The following CLMN variants were observed in gnomAD, a reference collection of about 807,000 sequenced individuals.
CLMN encodes calmin, also known as calmin (calponin-like, transmembrane).
A neutral mutation model predicts 92.7 loss-of-function variants in CLMN; 57 were observed. That is an observed-to-expected ratio of 0.61 (90% CI 0.50 to 0.77). The LOEUF is 0.77. Ranked by LOEUF, CLMN falls within the 30% of genes least tolerant of loss-of-function variation. The pLI is 0.00. For missense variants in CLMN, 1,158 were observed against 1,237.5 expected (o/e 0.94, Z 0.96); for synonymous variants, 466 against 470.6 (o/e 0.99, Z 0.13).
At chr14:95,223,627 C>T (rs879601218) in intron 3 of CLMN, 133 bp downstream of exon 3, 1 of 615,442 alleles carries the variant, frequency 1.6e-6, no homozygotes, top group Non-Finnish European at 2.8e-6. Flanking sequence ...GGCTTGTAGG[C>T]ACTAATAAAA....
At chr14:95,239,234 A>G (rs1898163568) in intron 1 of CLMN, among the ~76,000 whole-genome samples, 1 of 152,218 alleles carries the variant, frequency 6.6e-6, no homozygotes, top group Non-Finnish European at 1.5e-5. Context: ...ACACCCAGTT[A>G]GCAGACATTG....
intron 1 of CLMN, among the ~76,000 whole-genome samples, chr14:95,249,825 C>G (rs1385697882): frequency 6.6e-6 from 1 of 152,138 alleles, no homozygotes; most frequent in Non-Finnish European, 1.5e-5. Context: ...GATCTCCTGA[C>G]TTCATGATCT....
At chr14:95,258,890 G>A (rs1303280875) in intron 1 of CLMN, among the ~76,000 whole-genome samples, 1 of 151,426 alleles carries the variant, frequency 6.6e-6, no homozygotes, top group East Asian at 1.9e-4. Flanking sequence ...TGGTGTGTGT[G>A]TGGAGGGTGT....
At chr14:95,249,649 TG>T (rs1194733240) in intron 1 of CLMN, among the ~76,000 whole-genome samples, 1 of 152,060 alleles carries the variant, frequency 6.6e-6, no homozygotes, top group Non-Finnish European at 1.5e-5. Flanking sequence ...TGGAGTGCAG[TG>T]GTGCGATCTC....
At chr14:95,226,690 C>A (rs573319313) in intron 2 of CLMN, among the ~76,000 whole-genome samples, 1 of 152,106 alleles carries the variant, frequency 6.6e-6, no homozygotes, top group Non-Finnish European at 1.5e-5. Flanking sequence ...ATCCTCCCAT[C>A]CCAGCCTCTT....
chr14:95,231,261 A>G (rs1387198768), intron 1 of CLMN, among the ~76,000 whole-genome samples: 1 of 150,746 alleles, frequency 6.6e-6, no homozygotes, highest in African/African-American at 2.5e-5. Flanking sequence ...CAGTGACGCA[A>G]TCTCGGCTCA....
At chr14:95,211,886 C>T (rs1284747011) in intron 6 of CLMN, among the ~76,000 whole-genome samples, 4 of 152,156 alleles carry the variant, frequency 2.6e-5, no homozygotes, top group African/African-American at 4.8e-5. Context: ...ACAGGTGTTA[C>T]TTTTCATGGC....
At chr14:95,263,533 G>A (rs774559298) in intron 1 of CLMN, among the ~76,000 whole-genome samples, 20 of 152,172 alleles carry the variant, frequency 1.3e-4, no homozygotes, top group African/African-American at 4.3e-4. Context: ...AAAGGGTTCC[G>A]GTGTGACCCA....
intron 1 of CLMN, among the ~76,000 whole-genome samples, chr14:95,297,035 G>A (rs1043109479): frequency 3.3e-5 from 5 of 152,118 alleles, no homozygotes; most frequent in Admixed American, 6.6e-5. Context: ...TTCTGGGCTC[G>A]GTGCTTGCCA....
At chr14:95,303,126 G>A (rs1460209548) in intron 1 of CLMN, among the ~76,000 whole-genome samples, 1 of 152,178 alleles carries the variant, frequency 6.6e-6, no homozygotes, top group African/African-American at 2.4e-5. Context: ...TTTTAATCCT[G>A]CCATGAAGAA....
chr14:95,279,559 G>A (rs991978911), intron 1 of CLMN, among the ~76,000 whole-genome samples: 8 of 152,320 alleles, frequency 5.3e-5, no homozygotes, highest in Admixed American at 2.6e-4. Flanking sequence ...CCAGGTGGGC[G>A]GATCATGAGG....
At chr14:95,265,292 C>G (rs1386821340) in intron 1 of CLMN, among the ~76,000 whole-genome samples, 2 of 152,146 alleles carry the variant, frequency 1.3e-5, no homozygotes, top group East Asian at 3.9e-4. Context: ...GGCCCTCCAT[C>G]AAATGTGGGT....
intron 8 of CLMN, among the ~76,000 whole-genome samples, chr14:95,207,401 T>C (rs1419493063): frequency 1.3e-5 from 2 of 152,232 alleles, no homozygotes; most frequent in African/African-American, 4.8e-5. Context: ...ATTATAAATG[T>C]GAGCCACTGG....
In CLMN at chr14:95,204,227, G is replaced by A. The variant is rs766427449; in HGVS notation, c.1122C>T (p.Asp374=). Residue 374 remains aspartate (D), a synonymous_variant, in exon 9 of 13, where the codon GAC becomes GAT. Coordinates refer to ENST00000298912, the MANE Select transcript of CLMN (RefSeq NM_024734.4). ...LDGVSSHALS[D]SSTEFMHQII... is the part of the protein sequence containing the mutation. ...TCTGGTGCATGAACTCGGTGGAGCT[G>A]TCTGACAGCGCATGGCTGGAAACAC... The A allele has an allele frequency of 1.9e-6, 3 of 1,614,106 alleles. No homozygotes were observed. The highest frequency in any genetic ancestry group is 1.3e-5 in the African/African-American group (1 of 74,998).
chr14:95,238,201 G>A (rs1411532702), intron 1 of CLMN, among the ~76,000 whole-genome samples: 1 of 152,186 alleles, frequency 6.6e-6, no homozygotes, highest in Non-Finnish European at 1.5e-5. Flanking sequence ...CCGCTTGGTG[G>A]TTTCGCTCCT....
At chr14:95,209,255 G>A (rs1042691985) in intron 8 of CLMN, 140 bp downstream of exon 8, 32 of 729,532 alleles carry the variant, frequency 4.4e-5, no homozygotes, top group East Asian at 4.1e-4. Flanking sequence ...TGGTAAGGCC[G>A]TGCTCAAGGG....
At position 95,184,994 on chromosome 14, in the gene CLMN, T is replaced by C. The variant is rs1020413524; in HGVS notation, c.*6570A>G. 16 of 152,440 alleles carry C rather than the reference T, an allele frequency of 1.0e-4. No individual in the cohort carries two copies. The highest frequency in any genetic ancestry group is 3.6e-4 in the African/African-American group (15 of 41,538). 9.4% of individuals were successfully genotyped at this position (152,440 alleles called of 1,614,324 possible). A position where few individuals can be genotyped will look rare whatever the true frequency, so the allele number is the denominator to read the frequency against. On this transcript the variant is annotated 3_prime_UTR_variant, in exon 13 of 13. Coordinates refer to ENST00000298912, the MANE Select transcript of CLMN (RefSeq NM_024734.4). ...GGTGGCATGCACCTGTACTACCAGC[T>C]ACTTGGGAGGCTGAGGCAGGAGGAT...
At chr14:95,231,771 A>G (rs1897897196) in intron 1 of CLMN, among the ~76,000 whole-genome samples, 1 of 152,206 alleles carries the variant, frequency 6.6e-6, no homozygotes, top group South Asian at 2.1e-4. Context: ...GGAAGGCTTG[A>G]GTTTGGATTC....
At chr14:95,234,908 C>T (rs1898002184) in intron 1 of CLMN, among the ~76,000 whole-genome samples, 1 of 152,284 alleles carries the variant, frequency 6.6e-6, no homozygotes, top group African/African-American at 2.4e-5. Context: ...CTTTTTGTCT[C>T]TATGTCCACA....
Sources: gnomAD v4.1 joint callset for allele counts (sites outside exome capture counted in the v4.1 genomes callset) on GRCh38, gnomAD v4.1.1 for gene constraint, MANE v1.5 for transcripts, NCBI Gene and HGNC (gene_info 2026-07-23, HGNC 2026-07-21) for gene names.